TAS2R1: variants seen among roughly 807,000 people sequenced by gnomAD.
The protein encoded by TAS2R1 is taste 2 receptor member 1.
For missense variants in TAS2R1, 370 were observed against 353.4 expected, an observed-to-expected ratio of 1.05 and a Z score of -0.38; for synonymous variants, 141 against 134.2, an observed-to-expected ratio of 1.05 and a Z score of -0.35.
chr5:9,745,070 G>A, the TAS2R1 span, among the ~76,000 whole-genome samples: 1 of 152,160 alleles, frequency 6.6e-6, no homozygotes, highest in Non-Finnish European at 1.5e-5. Context: ...TGAAGAGAAT[G>A]AATTGGTGGA....
chr5:9,747,840 T>A, the TAS2R1 span, among the ~76,000 whole-genome samples: 2 of 148,648 alleles, frequency 1.3e-5, no homozygotes, highest in African/African-American at 2.5e-5. Context: ...AAGAGAGAAA[T>A]GCTAATCTGG....
the TAS2R1 span, among the ~76,000 whole-genome samples, chr5:9,778,849 A>G: frequency 6.6e-6 from 1 of 152,244 alleles, no homozygotes; most frequent in African/African-American, 2.4e-5. Flanking sequence ...CATGTCAGCA[A>G]TAAGGCCCTT....
chr5:9,794,895 T>C, the TAS2R1 span, among the ~76,000 whole-genome samples: 1 of 152,222 alleles, frequency 6.6e-6, no homozygotes, highest in Non-Finnish European at 1.5e-5. Context: ...CTACACACAT[T>C]AATAATATAA....
chr5:9,655,380 G>C (rs924803546), intron 2 of TAS2R1, among the ~76,000 whole-genome samples: 1 of 151,774 alleles, frequency 6.6e-6, no homozygotes, highest in Non-Finnish European at 1.5e-5. Context: ...AATTTCTGTA[G>C]GATCAAAAAG....
At chr5:9,775,702 T>G in the TAS2R1 span, among the ~76,000 whole-genome samples, 4 of 151,936 alleles carry the variant, frequency 2.6e-5, no homozygotes, top group Non-Finnish European at 5.9e-5. Context: ...GTGGGTTCCC[T>G]TCTGGCCCAG....
chr5:9,844,942 T>C, the TAS2R1 span, among the ~76,000 whole-genome samples: 1 of 152,130 alleles, frequency 6.6e-6, no homozygotes, highest in East Asian at 1.9e-4. Flanking sequence ...TCATCAAAAA[T>C]TTTTTACACT....
the TAS2R1 span, among the ~76,000 whole-genome samples, chr5:9,735,835 G>T: frequency 6.6e-6 from 1 of 152,158 alleles, no homozygotes; most frequent in African/African-American, 2.4e-5. Context: ...CAATATTCCT[G>T]CCATTATGCT....
intron 2 of TAS2R1, among the ~76,000 whole-genome samples, chr5:9,658,271 A>G (rs1311472997): frequency 6.6e-6 from 1 of 152,244 alleles, no homozygotes; most frequent in African/African-American, 2.4e-5. Flanking sequence ...CTCATTTTAC[A>G]GATGAGGAGC....
At chr5:9,753,274 T>C in the TAS2R1 span, among the ~76,000 whole-genome samples, 5,185 of 152,360 alleles carry the variant, frequency 0.034, 113 homozygotes, top group Non-Finnish European at 0.052. Flanking sequence ...CATTGTGGTT[T>C]TGATTTGCAT....
At chr5:9,894,730 C>T in the TAS2R1 span, among the ~76,000 whole-genome samples, 1 of 152,246 alleles carries the variant, frequency 6.6e-6, no homozygotes, top group South Asian at 2.1e-4. Context: ...GATTTATAGA[C>T]ATTGGAGACT....
chr5:9,716,968 C>T (rs890932391), upstream of TAS2R1, among the ~76,000 whole-genome samples: 2 of 152,184 alleles, frequency 1.3e-5, no homozygotes, highest in Admixed American at 1.3e-4. Context: ...GAGAACACTG[C>T]AACCTTCAAA....
At chr5:9,780,776 G>T in the TAS2R1 span, among the ~76,000 whole-genome samples, 1 of 152,184 alleles carries the variant, frequency 6.6e-6, no homozygotes, top group African/African-American at 2.4e-5. Flanking sequence ...AGGTATTTTT[G>T]TAAATGTGGT....
At chr5:9,690,624 A>G (rs957976407) in intron 1 of TAS2R1, among the ~76,000 whole-genome samples, 1 of 151,996 alleles carries the variant, frequency 6.6e-6, no homozygotes, top group East Asian at 1.9e-4. Context: ...GGGGGGAAAA[A>G]AGTGTGACTT....
chr5:9,716,207 C>T (rs1056095812), upstream of TAS2R1, among the ~76,000 whole-genome samples: 3 of 152,228 alleles, frequency 2.0e-5, no homozygotes, highest in African/African-American at 2.4e-5. Context: ...GGAGGAGCCT[C>T]GGGAAGTCTG....
chr5:9,735,997 T>G, the TAS2R1 span, among the ~76,000 whole-genome samples: 1 of 152,234 alleles, frequency 6.6e-6, no homozygotes, highest in Non-Finnish European at 1.5e-5. Flanking sequence ...TCAGTGGGCA[T>G]GCAGCTTCCT....
At chr5:9,763,992 A>T in the TAS2R1 span, among the ~76,000 whole-genome samples, 2 of 152,224 alleles carry the variant, frequency 1.3e-5, no homozygotes. Flanking sequence ...GATAAAGGAG[A>T]AGACACAAAA....
At chr5:9,663,345 A>G (rs934654529) in intron 1 of TAS2R1, among the ~76,000 whole-genome samples, 1 of 152,202 alleles carries the variant, frequency 6.6e-6, no homozygotes, top group South Asian at 2.1e-4. Flanking sequence ...TTTTAATTGT[A>G]TTATATTTCT....
chr5:9,753,287 C>A, the TAS2R1 span, among the ~76,000 whole-genome samples: 2 of 152,208 alleles, frequency 1.3e-5, no homozygotes, highest in Non-Finnish European at 2.9e-5. Flanking sequence ...ATTTGCATTT[C>A]TCTGATGGCC....
chr5:9,801,390 A>G, the TAS2R1 span, among the ~76,000 whole-genome samples: 1 of 152,162 alleles, frequency 6.6e-6, no homozygotes, highest in South Asian at 2.1e-4. Context: ...ATATTTTTGG[A>G]GGATTAAGAT....
Sources: allele counts gnomAD v4.1 joint callset (sites outside exome capture counted in the v4.1 genomes callset), GRCh38; gene constraint gnomAD v4.1.1; transcripts MANE v1.5; gene names NCBI Gene and HGNC (gene_info 2026-07-23, HGNC 2026-07-21).